The following PIN1 variants were observed in gnomAD, a reference collection of about 807,000 sequenced individuals.
PIN1 encodes peptidyl-prolyl cis-trans isomerase NIMA-interacting 1.
A neutral mutation model predicts 19.9 loss-of-function variants in PIN1; 8 were observed. That is an observed-to-expected ratio of 0.40 (90% CI 0.24 to 0.72). PIN1 has a LOEUF of 0.72. Among genes scored for constraint, PIN1 ranks in the 30% least tolerant of loss-of-function variants. The probability of loss-of-function intolerance (pLI) is 0.37; values close to 1 mark genes in which losing one functional copy is unlikely to be tolerated. For missense variants in PIN1, 185 were observed against 226.5 expected (o/e 0.82, Z 1.18); for synonymous variants, 86 against 90.8 (o/e 0.95, Z 0.30).
At chr19:9,845,465 T>C (rs1330644670) in intron 2 of PIN1, among the ~76,000 whole-genome samples, 1 of 151,944 alleles carries the variant, frequency 6.6e-6, no homozygotes, top group African/African-American at 2.4e-5. Context: ...CGATCTCAGC[T>C]CACTGTACCT....
At position 9,849,364 on chromosome 19, in the gene PIN1, C is replaced by T. The variant is rs778024674; in HGVS notation, c.*165C>T. ...AGGGGGCCCTTCCAGATTGGGGGCC[C>T]TGGGGTCCCCACTCCCTGTCCATCC... is the stretch of plus-strand genomic sequence containing the variant. On this transcript the variant is annotated 3_prime_UTR_variant, in exon 4 of 4. Transcript: ENST00000247970. 9.8e-6 allele frequency: 7 copies of T among 710,996 alleles called. No individual in the cohort carries two copies. The highest frequency in any genetic ancestry group is 4.4e-5 in the South Asian group (3 of 68,222). The allele number at this position is 710,996 out of a possible 1,614,324, so 44.0% of individuals were successfully genotyped here. A position where few individuals can be genotyped will look rare whatever the true frequency, so the allele number is the denominator to read the frequency against.
intron 2 of PIN1, among the ~76,000 whole-genome samples, chr19:9,839,915 C>T (rs1949110939): frequency 6.6e-6 from 1 of 151,780 alleles, no homozygotes; most frequent in African/African-American, 2.4e-5. Context: ...TGGGAGGATC[C>T]TTTGAGCCCA....
chr19:9,839,253 G>A (rs1315640105), intron 2 of PIN1, among the ~76,000 whole-genome samples: 1 of 151,996 alleles, frequency 6.6e-6, no homozygotes, highest in African/African-American at 2.4e-5. Flanking sequence ...GGGCAGTATG[G>A]TGAAACTCCA....
At chr19:9,836,700 C>A in intron 1 of PIN1, 2 of 524,468 alleles carry the variant, frequency 3.8e-6, no homozygotes, top group Non-Finnish European at 6.5e-6. Context: ...TAACATCGGG[C>A]CACCAGTAAT....
At chr19:9,836,725 C>T in intron 1 of PIN1, 1 of 772,972 alleles carries the variant, frequency 1.3e-6, no homozygotes, top group Non-Finnish European at 1.9e-6. Context: ...GTTCCTAGCT[C>T]TGCAACACCA....
Position 9,835,411 on chromosome 19 carries a change from G to C in PIN1, c.58+9G>C. 4.0e-6 allele frequency: 6 copies of C among 1,504,564 alleles called. No homozygotes were observed. Among genetic ancestry groups the C allele is most frequent in the Non-Finnish European group, 5.3e-6 (6 of 1,133,078 alleles). 93.2% of individuals were successfully genotyped at this position (1,504,564 alleles called of 1,614,324 possible). ...CATGAGCCGCAGCTCAGGTGCCGCGGGGGTCGGGGCTGGGGCGGGACTGCG... is the reference window on the plus strand; with the variant it reads ...CATGAGCCGCAGCTCAGGTGCCGCGCGGGTCGGGGCTGGGGCGGGACTGCG... On this transcript the variant is annotated intron_variant, in intron 1 of 3. Coordinates refer to ENST00000247970, the MANE Select transcript of PIN1 (RefSeq NM_006221.4).
chr19:9,846,912 C>G lies in PIN1; in HGVS notation c.272-1118C>G, dbSNP rs2046225218. Among the ~76,000 whole-genome samples, 1 of 152,144 alleles carries G rather than the reference C, an allele frequency of 6.6e-6. No homozygotes were observed. On this transcript the variant is annotated intron_variant, in intron 2 of 3. Transcript: ENST00000247970. The surrounding 1 kb of genome is among the most constrained non-coding windows in gnomAD (Gnocchi z 5.9). ...TGTCCCTGGAGAGTGGCTGCCAGGC[C>G]TTAGGGTACACGGGGCGGGTGCAGT...
intron 2 of PIN1, among the ~76,000 whole-genome samples, chr19:9,845,638 C>T (rs1442200540): frequency 6.6e-6 from 1 of 152,202 alleles, no homozygotes; most frequent in East Asian, 1.9e-4. Context: ...ACAGTCATTG[C>T]AGGCTCCCAT....
chr19:9,849,163 G>A lies in PIN1; in HGVS notation c.456G>A (p.Thr152=), dbSNP rs1215873469. Residue 152 remains threonine (T), a synonymous_variant, in exon 4 of 4, where the codon ACG becomes ACA. Transcript: ENST00000247970. ...RTGEMSGPVF[T]DSGIHIILRT... ...GGGAGATGAGCGGGCCCGTGTTCAC[G>A]GATTCCGGCATCCACATCATCCTCC... The A allele has an allele frequency of 4.3e-6, 7 of 1,613,194 alleles. No homozygotes were observed. Among genetic ancestry groups the A allele is most frequent in the East Asian group, 2.2e-5 (1 of 44,870 alleles).
intron 2 of PIN1, among the ~76,000 whole-genome samples, chr19:9,847,167 A>T (rs1009615936): frequency 6.6e-6 from 1 of 152,042 alleles, no homozygotes; most frequent in Non-Finnish European, 1.5e-5. Flanking sequence ...CAGTCACACC[A>T]CACACACCAC....
In PIN1 at chr19:9,849,579, G is replaced by A. The variant is rs368042262; in HGVS notation, c.*380G>A. On this transcript the variant is annotated 3_prime_UTR_variant, in exon 4 of 4. Transcript: ENST00000247970. ...GCCGAATTGTTTCTAGTTAGGCCAC[G>A]CTCCTCTGTTCAGTCGCAAAGGTGA... is the stretch of plus-strand genomic sequence containing the variant. 1.3e-5 allele frequency: 7 copies of A among 557,976 alleles called. No individual in the cohort carries two copies. Among genetic ancestry groups the A allele is most frequent in the African/African-American group, 5.6e-5 (3 of 53,550 alleles). 34.6% of individuals were successfully genotyped at this position (557,976 alleles called of 1,614,324 possible). A position where few individuals can be genotyped will look rare whatever the true frequency, so the allele number is the denominator to read the frequency against.
chr19:9,844,635 G>A (rs956388925), intron 2 of PIN1, among the ~76,000 whole-genome samples: 3 of 152,166 alleles, frequency 2.0e-5, no homozygotes, highest in African/African-American at 4.8e-5. Context: ...GAGCCACATC[G>A]AATCAGGATG....
rs2046136651 is a variant in PIN1, at chr19:9,838,687, C to T, written c.271+39C>T. ...GGGCAGGGGCTTGGGAGGGGGTCTT[C>T]TCCCAGGTGAGCCTTTGTAGAAGTC... On this transcript the variant is annotated intron_variant, in intron 2 of 3. Transcript: ENST00000247970. The surrounding 1 kb of genome is among the most constrained non-coding windows in gnomAD (Gnocchi z 5.8). 6.8e-7 allele frequency: 1 copy of T among 1,464,880 alleles called. No homozygotes were observed. Among genetic ancestry groups the T allele is most frequent in the Non-Finnish European group, 9.2e-7 (1 of 1,083,494 alleles). 90.7% of individuals were successfully genotyped at this position (1,464,880 alleles called of 1,614,324 possible).
At position 9,849,286 on chromosome 19, in the gene PIN1, C is replaced by T. The variant is rs773900738; in HGVS notation, c.*87C>T. 11 of 833,230 alleles carry T rather than the reference C, an allele frequency of 1.3e-5. No homozygotes were observed. In the African/African-American group the frequency reaches 1.7e-4, roughly 13 times the overall value. The allele number at this position is 833,230 out of a possible 1,614,324, so 51.6% of individuals were successfully genotyped here. On this transcript the variant is annotated 3_prime_UTR_variant, in exon 4 of 4. Transcript: ENST00000247970. The stretch of plus-strand genomic sequence containing the variant: ...CTTGCCCGCCAGCCAGTGGCCGAAC[C>T]CCCCACTCCCTGCCACCGTCACACA...
In PIN1 at chr19:9,849,689, C is replaced by T. The variant is rs765441527; in HGVS notation, c.*490C>T. ...AATTAAACCCAGAACCACTGCTCTG[C>T]TCTCCTGTGTCTCATTTCTCCTCAG... On this transcript the variant is annotated 3_prime_UTR_variant, in exon 4 of 4. Coordinates refer to ENST00000247970, the MANE Select transcript of PIN1 (RefSeq NM_006221.4). 4 of 487,614 alleles carry T rather than the reference C, an allele frequency of 8.2e-6. No homozygotes were observed. Among genetic ancestry groups the T allele is most frequent in the Middle Eastern group, 1.3e-3 (2 of 1,504 alleles). 30.2% of individuals were successfully genotyped at this position (487,614 alleles called of 1,614,324 possible). A position where few individuals can be genotyped will look rare whatever the true frequency, so the allele number is the denominator to read the frequency against.
intron 1 of PIN1, chr19:9,835,709 G>A (rs2145406384): frequency 2.4e-6 from 1 of 413,652 alleles, no homozygotes; most frequent in Non-Finnish European, 4.3e-6. Context: ...ACACCCCGGG[G>A]GACGTCTCTG....
At chr19:9,835,695 C>A in intron 1 of PIN1, 1 of 432,646 alleles carries the variant, frequency 2.3e-6, no homozygotes, top group Non-Finnish European at 4.1e-6. Context: ...GCCTAATGCA[C>A]CTGACACCCC....
rs762411384 is a variant in PIN1 at position 9,849,115 on chromosome 19, C to T, written c.408C>T (p.Asp136=). ...GTCAGATGCAGAAGCCATTTGAAGA[C>T]GCCTCGTTTGCGCTGCGGACGGGGG... ...SRGQMQKPFE[D]ASFALRTGEM... The change falls in exon 4 of 4, where the codon GAC becomes GAT. Residue 136 remains aspartate, a synonymous_variant. Coordinates refer to ENST00000247970, the MANE Select transcript of PIN1 (RefSeq NM_006221.4). 8.1e-6 allele frequency: 13 copies of T among 1,613,608 alleles called. No homozygotes were observed. The highest frequency in any genetic ancestry group is 5.5e-5 in the South Asian group (5 of 91,078).
intron 2 of PIN1, among the ~76,000 whole-genome samples, chr19:9,842,812 C>T (rs2046181556): frequency 1.3e-5 from 2 of 152,344 alleles, no homozygotes; most frequent in South Asian, 2.1e-4. Context: ...GATGTTCTCC[C>T]CTCGAGGGTT....
Sources: allele counts gnomAD v4.1 joint callset (sites outside exome capture counted in the v4.1 genomes callset), GRCh38; gene constraint gnomAD v4.1.1; non-coding constraint Gnocchi (gnomAD v3.1); transcripts MANE v1.5; gene names NCBI Gene and HGNC (gene_info 2026-07-23, HGNC 2026-07-21).